COL14A1: variants seen among roughly 807,000 people sequenced by gnomAD.
COL14A1 encodes collagen alpha-1(XIV) chain.
In COL14A1, 136 loss-of-function variants were observed where a neutral mutation model predicts 230.3. That is an observed-to-expected ratio of 0.59 (90% CI 0.51 to 0.68). COL14A1 has a LOEUF of 0.68. Ranked by LOEUF, COL14A1 falls within the 30% of genes least tolerant of loss-of-function variation. The pLI is 0.00. For synonymous variants in COL14A1, 792 were observed against 784.1 expected (o/e 1.01, Z -0.17); for missense variants, 1,976 against 2,215.8 (o/e 0.89, Z 2.17).
At chr8:120,370,944 A>C (rs1054948601) in intron 47 of COL14A1, 15 of 1,138,694 alleles carry the variant, frequency 1.3e-5, no homozygotes, top group Middle Eastern at 5.8e-4. Flanking sequence ...TAGTTTTCTA[A>C]CAATTTCTGT....
chr8:120,211,960 T>G (rs1817627152), intron 12 of COL14A1, among the ~76,000 whole-genome samples: 1 of 152,236 alleles, frequency 6.6e-6, no homozygotes, highest in Admixed American at 6.5e-5. Context: ...GCGTGGATTC[T>G]CTTGTTGAAT....
rs4398968 is a variant in COL14A1 at position 120,157,961 on chromosome 8, G to T, written c.89-169G>T. Among the ~76,000 whole-genome samples, 63,101 of 152,002 alleles carry T rather than the reference G, an allele frequency of 0.42. 15,126 individuals carry two copies. The highest frequency in any genetic ancestry group is 0.66 in the African/African-American group (27,534 of 41,448). Reference sequence around the variant, plus strand: ...GATCGTGCCACTGCACTCCAGCCTGGGCAACAGAGCGAGACTCCCTCTCAA... The same window carrying T: ...GATCGTGCCACTGCACTCCAGCCTGTGCAACAGAGCGAGACTCCCTCTCAA... On this transcript the variant is annotated intron_variant, in intron 2 of 47. Transcript: ENST00000297848.
chr8:120,246,085 C>A (rs1344523057), intron 20 of COL14A1, among the ~76,000 whole-genome samples: 1 of 152,128 alleles, frequency 6.6e-6, no homozygotes, highest in Non-Finnish European at 1.5e-5. Context: ...GAATTATGTA[C>A]CTGGGCACCG....
chr8:120,162,698 C>T, intron 4 of COL14A1, 129 bp downstream of exon 4: 1 of 718,758 alleles, frequency 1.4e-6, no homozygotes, highest in Non-Finnish European at 2.1e-6. Context: ...AGAAGACCTT[C>T]AGTCTTACCT....
chr8:120,303,079 C>T (rs1820765066), intron 36 of COL14A1, among the ~76,000 whole-genome samples: 1 of 152,074 alleles, frequency 6.6e-6, no homozygotes, highest in African/African-American at 2.4e-5. Flanking sequence ...GATCTTTGTG[C>T]ATTGATTTTA....
chr8:120,183,140 A>G (rs1425009553), intron 5 of COL14A1, among the ~76,000 whole-genome samples: 1 of 152,172 alleles, frequency 6.6e-6, no homozygotes, highest in Non-Finnish European at 1.5e-5. Context: ...GAGAGGGTAC[A>G]TTACAGGAGA....
intron 42 of COL14A1, among the ~76,000 whole-genome samples, chr8:120,340,109 AGTGTGTGT>A (rs10665249): frequency 1.3e-4 from 18 of 143,946 alleles, no homozygotes; most frequent in Non-Finnish European, 2.3e-4. Flanking sequence ...TGAGTGAGTG[AGTGTGTGT>A]GTGTGTGTGT....
intron 33 of COL14A1, among the ~76,000 whole-genome samples, chr8:120,286,206 T>C (rs1820198312): frequency 6.6e-6 from 1 of 152,084 alleles, no homozygotes; most frequent in Non-Finnish European, 1.5e-5. Context: ...GGGGGCACTT[T>C]CCTCTTTGAG....
intron 5 of COL14A1, among the ~76,000 whole-genome samples, chr8:120,193,548 C>G (rs1243134787): frequency 6.6e-6 from 1 of 152,186 alleles, no homozygotes; most frequent in African/African-American, 2.4e-5. Context: ...TCTCCAGCTG[C>G]ATGCTGGGAG....
At chr8:120,361,112 T>A (rs908028483) in intron 45 of COL14A1, among the ~76,000 whole-genome samples, 1 of 152,170 alleles carries the variant, frequency 6.6e-6, no homozygotes, top group Non-Finnish European at 1.5e-5. Context: ...AGTGGCTCCA[T>A]GTTCTTGCCA....
chr8:120,338,599 A>G (rs1221274442), intron 42 of COL14A1, among the ~76,000 whole-genome samples: 1 of 152,208 alleles, frequency 6.6e-6, no homozygotes, highest in Non-Finnish European at 1.5e-5. Context: ...TGTAAGCACT[A>G]AATAAGTTAA....
intron 8 of COL14A1, 63 bp downstream of exon 8, chr8:120,199,629 A>G: frequency 2.0e-6 from 3 of 1,509,538 alleles, no homozygotes. Flanking sequence ...TTAAAACAAT[A>G]TGTAATGTGA....
rs189708157 is a variant in COL14A1 at position 120,227,029 on chromosome 8, T to G, written c.2005-191T>G. Among the ~76,000 whole-genome samples the G allele has an allele frequency of 3.9e-5, 6 of 152,298 alleles. No individual in the cohort carries two copies. The East Asian group carries it at 1.2e-3, about 29-fold the overall frequency. On this transcript the variant is annotated intron_variant, in intron 16 of 47. Coordinates refer to ENST00000297848, the MANE Select transcript of COL14A1 (RefSeq NM_021110.4). Reference sequence around the variant, plus strand: ...ATTTAATACAACTTTAAAATGTCACTTTTGCAATATTAATAATTTATTTGC... The same window carrying G: ...ATTTAATACAACTTTAAAATGTCACGTTTGCAATATTAATAATTTATTTGC...
At chr8:120,359,436 G>T (rs1490490614) in intron 45 of COL14A1, among the ~76,000 whole-genome samples, 2 of 152,132 alleles carry the variant, frequency 1.3e-5, no homozygotes, top group African/African-American at 2.4e-5. Context: ...TTTTCCAACA[G>T]TGGAGAGCAT....
chr8:120,324,438 G>A (rs1218844783), intron 40 of COL14A1, among the ~76,000 whole-genome samples: 1 of 152,116 alleles, frequency 6.6e-6, no homozygotes, highest in African/African-American at 2.4e-5. Flanking sequence ...AGAATCTGTG[G>A]CTTCTAGTTG....
intron 45 of COL14A1, among the ~76,000 whole-genome samples, chr8:120,349,113 C>G (rs1274510933): frequency 6.6e-6 from 1 of 152,148 alleles, no homozygotes; most frequent in Non-Finnish European, 1.5e-5. Flanking sequence ...GAGGCACCCC[C>G]CAGCAGGGGC....
At chr8:120,312,904 T>C (rs1446508548) in intron 37 of COL14A1, among the ~76,000 whole-genome samples, 1 of 152,172 alleles carries the variant, frequency 6.6e-6, no homozygotes, top group African/African-American at 2.4e-5. Context: ...ATAGCTTTAG[T>C]TGAAGTCACA....
At chr8:120,187,301 C>A (rs929188344) in intron 5 of COL14A1, among the ~76,000 whole-genome samples, 2 of 152,040 alleles carry the variant, frequency 1.3e-5, no homozygotes, top group Admixed American at 6.6e-5. Context: ...TACCCCTTGC[C>A]CCCACATAGA....
chr8:120,244,161 A>T (rs1818696375), intron 20 of COL14A1, among the ~76,000 whole-genome samples, 153 bp downstream of exon 20: 1 of 152,188 alleles, frequency 6.6e-6, no homozygotes, highest in African/African-American at 2.4e-5. Context: ...CTTTACACAC[A>T]CAAGCTATGT....
Sources: gnomAD v4.1 joint callset for allele counts (sites outside exome capture counted in the v4.1 genomes callset) on GRCh38, gnomAD v4.1.1 for gene constraint, MANE v1.5 for transcripts, NCBI Gene and HGNC (gene_info 2026-07-23, HGNC 2026-07-21) for gene names.